Variants in SEPTIN9 observed in about 807,000 individuals in gnomAD.
SEPTIN9 encodes septin-9.
A neutral mutation model predicts 56.6 loss-of-function variants in SEPTIN9; 13 were observed. That is an observed-to-expected ratio of 0.23 (90% CI 0.15 to 0.37). The LOEUF (loss-of-function observed/expected upper bound fraction) is 0.37. Ranked by LOEUF, SEPTIN9 falls within the 10% of genes least tolerant of loss-of-function variation. The pLI is 1.00. For synonymous variants in SEPTIN9, 332 were observed against 334.1 expected (o/e 0.99, Z 0.07); for missense variants, 650 against 823.1 (o/e 0.79, Z 2.57).
chr17:77,451,739 G>T lies in SEPTIN9; in HGVS notation c.722-30405G>T, dbSNP rs529942669. Among the ~76,000 whole-genome samples, 7 of 152,190 alleles carry T rather than the reference G, an allele frequency of 4.6e-5. No homozygotes were observed. The highest frequency in any genetic ancestry group is 1.0e-4 in the Non-Finnish European group (7 of 68,016). ...ATCTCCACGCGGGGACCAGATTTTC[G>T]GCCTCAAAATAGAAGAATAGGGCTT... On this transcript the variant is annotated intron_variant, in intron 3 of 11. Transcript: ENST00000427177. The surrounding 1 kb of genome is among the most constrained non-coding windows in gnomAD (Gnocchi z 4.2).
chr17:77,295,600 C>T (rs932934224), intron 1 of SEPTIN9, among the ~76,000 whole-genome samples: 5 of 152,144 alleles, frequency 3.3e-5, no homozygotes, highest in Admixed American at 6.5e-5. Context: ...CAGAGGTCGG[C>T]GTTTCTCCCA....
chr17:77,323,453 A>G lies in SEPTIN9; in HGVS notation c.76+16256A>G, dbSNP rs1040847435. ...GCTCTGTTGGGCTGGGAGGCTAGGA[A>G]CAGGCCACGAGGGAGGGCTGCAGGC... On this transcript the variant is annotated intron_variant, in intron 2 of 11. Coordinates refer to ENST00000427177, the MANE Select transcript of SEPTIN9 (RefSeq NM_001113491.2). The surrounding 1 kb of genome is among the most constrained non-coding windows in gnomAD (Gnocchi z 6.8). 1.2e-4 allele frequency among the ~76,000 whole-genome samples: 18 copies of G among 152,188 alleles called. No homozygotes were observed. Among genetic ancestry groups the G allele is most frequent in the Non-Finnish European group, 2.9e-5 (2 of 68,032 alleles).
chr17:77,461,490 T>G (rs1049864440), intron 3 of SEPTIN9, among the ~76,000 whole-genome samples: 16 of 152,146 alleles, frequency 1.1e-4, no homozygotes, highest in African/African-American at 3.6e-4. Flanking sequence ...GGCTGGAGGC[T>G]GGGGACATCC....
chr17:77,450,463 G>C lies in SEPTIN9; in HGVS notation c.722-31681G>C, dbSNP rs555471532. ...CCCTCCCAGCCCCCAGCAAGCCCTC[G>C]GAACGAGCCCACTCCCAGGCGCTCT... On this transcript the variant is annotated intron_variant, in intron 3 of 11. Coordinates refer to ENST00000427177, the MANE Select transcript of SEPTIN9 (RefSeq NM_001113491.2). This position sits in a 1 kb window ranked among gnomAD's most constrained non-coding sequence, Gnocchi z 6.0. 28 of 985,132 alleles carry C rather than the reference G, an allele frequency of 2.8e-5. No homozygotes were observed. The highest frequency in any genetic ancestry group is 1.6e-4 in the African/African-American group (9 of 57,196). The allele number at this position is 985,132 out of a possible 1,614,324, so 61.0% of individuals were successfully genotyped here.
Position 77,348,461 on chromosome 17 carries a change from G to A in SEPTIN9, c.76+41264G>A, listed in dbSNP as rs182127567. Among the ~76,000 whole-genome samples, 498 of 151,900 alleles carry A rather than the reference G, an allele frequency of 3.3e-3. 3 individuals are homozygous for A. Among genetic ancestry groups the A allele is most frequent in the African/African-American group, 0.011 (469 of 41,446 alleles). ...ATTACAGACGCCTGCCACCACGGCC[G>A]GCTAATTTTTGTATTTTTAGTAAAG... is the stretch of plus-strand genomic sequence containing the variant. On this transcript the variant is annotated intron_variant, in intron 2 of 11. Transcript: ENST00000427177.
chr17:77,359,059 A>G lies in SEPTIN9; in HGVS notation c.77-43000A>G, dbSNP rs78450432. Among the ~76,000 whole-genome samples the G allele has an allele frequency of 0.013, 1,947 of 152,264 alleles. 119 individuals carry two copies. The East Asian group carries it at 0.19, about 15-fold the overall frequency. ...CTGCACTCCAGCCAGAGGGAAGGGA[A>G]GAAGGGAGAGGGGAAAGGGCAAGTG... On this transcript the variant is annotated intron_variant, in intron 2 of 11. Coordinates refer to ENST00000427177, the MANE Select transcript of SEPTIN9 (RefSeq NM_001113491.2).
At chr17:77,325,846 C>G (rs1218825747) in intron 2 of SEPTIN9, among the ~76,000 whole-genome samples, 2 of 152,182 alleles carry the variant, frequency 1.3e-5, no homozygotes, top group Non-Finnish European at 2.9e-5. Flanking sequence ...CCACCCAAAC[C>G]CCTGTGCCTC....
At chr17:77,347,307 G>T (rs958429300) in intron 2 of SEPTIN9, among the ~76,000 whole-genome samples, 8 of 151,768 alleles carry the variant, frequency 5.3e-5, no homozygotes. Context: ...GAACCCAGGA[G>T]GTGGAGGTTG....
rs75087417 is a variant in SEPTIN9, at chr17:77,492,212, G to A, written c.1381-409G>A. On this transcript the variant is annotated intron_variant, in intron 8 of 11. Coordinates refer to ENST00000427177, the MANE Select transcript of SEPTIN9 (RefSeq NM_001113491.2). This position sits in a 1 kb window ranked among gnomAD's most constrained non-coding sequence, Gnocchi z 5.4. Reference sequence around the variant, plus strand: ...TGTTTCTGTTGCACGTACCCATGTCGGGCTGCTGGCAGGGAGCTGAGAGGT... The same window carrying A: ...TGTTTCTGTTGCACGTACCCATGTCAGGCTGCTGGCAGGGAGCTGAGAGGT... Among the ~76,000 whole-genome samples, 162 of 152,300 alleles carry A rather than the reference G, an allele frequency of 1.1e-3. 1 individual carries two copies. In the East Asian group the frequency reaches 0.027, roughly 25 times the overall value.
chr17:77,437,351 C>A lies in SEPTIN9; in HGVS notation c.721+34648C>A, dbSNP rs2037379186. On this transcript the variant is annotated intron_variant, in intron 3 of 11. Coordinates refer to ENST00000427177, the MANE Select transcript of SEPTIN9 (RefSeq NM_001113491.2). The surrounding 1 kb of genome is among the most constrained non-coding windows in gnomAD (Gnocchi z 5.3). ...ACCCCTCCCTTCTACACCCCCACCC[C>A]ACGCCCCCAGGAGCTCCCTATGGGG... 2.0e-5 allele frequency among the ~76,000 whole-genome samples: 3 copies of A among 152,204 alleles called. No homozygotes were observed.
rs2033013497 is a variant in SEPTIN9, at chr17:77,323,370, C to T, written c.76+16173C>T. Among the ~76,000 whole-genome samples, 1 of 152,114 alleles carries T rather than the reference C, an allele frequency of 6.6e-6. No individual in the cohort carries two copies. Among genetic ancestry groups the T allele is most frequent in the Non-Finnish European group, 1.5e-5 (1 of 68,014 alleles). On this transcript the variant is annotated intron_variant, in intron 2 of 11. Transcript: ENST00000427177. The surrounding 1 kb of genome is among the most constrained non-coding windows in gnomAD (Gnocchi z 6.8). ...CAAATTAAGCAGTTTTATCTTGTTCCAAGAGCTTGTATTTCAGCAGGGAGA... is the reference window on the plus strand; with the variant it reads ...CAAATTAAGCAGTTTTATCTTGTTCTAAGAGCTTGTATTTCAGCAGGGAGA...
chr17:77,497,064 T>G, intron 10 of SEPTIN9: 1 of 571,510 alleles, frequency 1.7e-6, no homozygotes, highest in Non-Finnish European at 3.1e-6. Context: ...CCAGGAACTT[T>G]CTGGAGAGCA....
At chr17:77,378,096 GC>G (rs1055218728) in intron 2 of SEPTIN9, among the ~76,000 whole-genome samples, 8 of 152,208 alleles carry the variant, frequency 5.3e-5, no homozygotes, top group African/African-American at 1.9e-4. Flanking sequence ...TTGCAGCGGG[GC>G]TGTGGGTTCT....
chr17:77,283,172 T>TC, intron 1 of SEPTIN9, among the ~76,000 whole-genome samples: 1 of 150,570 alleles, frequency 6.6e-6, no homozygotes, highest in East Asian at 1.9e-4. Flanking sequence ...TTTTTTTTTT[T>TC]TTTTTTAAAA....
intron 2 of SEPTIN9, among the ~76,000 whole-genome samples, chr17:77,354,731 G>A (rs932019389): frequency 2.0e-5 from 3 of 151,986 alleles, no homozygotes; most frequent in Non-Finnish European, 2.9e-5. Flanking sequence ...CTCCCCCAGC[G>A]CAGGCGCGAA....
At chr17:77,283,038 C>T (rs1228723077) in intron 1 of SEPTIN9, among the ~76,000 whole-genome samples, 1 of 152,046 alleles carries the variant, frequency 6.6e-6, no homozygotes, top group Non-Finnish European at 1.5e-5. Context: ...GCACAGATGC[C>T]GGAAGGGCCC....
chr17:77,472,422 C>T (rs1033952568), intron 3 of SEPTIN9: 41 of 152,228 alleles, frequency 2.7e-4, no homozygotes, highest in African/African-American at 9.4e-4. Flanking sequence ...CGCCTCGGCC[C>T]CTGAATGAAT....
chr17:77,284,780 C>A (rs1281773306), intron 1 of SEPTIN9, among the ~76,000 whole-genome samples: 1 of 152,156 alleles, frequency 6.6e-6, no homozygotes, highest in South Asian at 2.1e-4. Flanking sequence ...TAGGAACGTG[C>A]CACTGCGCCC....
intron 3 of SEPTIN9, among the ~76,000 whole-genome samples, chr17:77,466,812 G>A (rs189845407): frequency 4.3e-4 from 66 of 152,194 alleles, no homozygotes; most frequent in African/African-American, 1.4e-3. Flanking sequence ...GGAAGGCCTC[G>A]CAGGAGAGGG....
Sources: allele counts gnomAD v4.1 joint callset (sites outside exome capture counted in the v4.1 genomes callset), GRCh38; gene constraint gnomAD v4.1.1; non-coding constraint Gnocchi (gnomAD v3.1); transcripts MANE v1.5; gene names NCBI Gene and HGNC (gene_info 2026-07-23, HGNC 2026-07-21).